Variants in MACROD2 observed in about 807,000 individuals in gnomAD.
The protein encoded by MACROD2 is ADP-ribose glycohydrolase MACROD2.
MACROD2 carries 36 observed loss-of-function variants against 70.4 expected under a neutral mutation model. The observed-to-expected ratio is 0.51, with a 90% confidence interval of 0.39 to 0.68. The LOEUF (loss-of-function observed/expected upper bound fraction) is 0.68, where lower values mean the gene tolerates loss of function less well. Ranked by LOEUF, MACROD2 falls within the 30% of genes least tolerant of loss-of-function variation. The pLI is 0.00. For missense variants in MACROD2, 496 were observed against 538.4 expected, an observed-to-expected ratio of 0.92 and a Z score of 0.78; for synonymous variants, 172 against 178.8, an observed-to-expected ratio of 0.96 and a Z score of 0.30.
chr20:14,968,515 T>C (rs970154053), intron 5 of MACROD2, among the ~76,000 whole-genome samples: 11 of 151,340 alleles, frequency 7.3e-5, no homozygotes, highest in African/African-American at 2.7e-4. Context: ...GCATCAGTTG[T>C]AAAAAAAAAG....
intron 6 of MACROD2, among the ~76,000 whole-genome samples, chr20:15,238,500 G>A (rs1363911853): frequency 6.6e-6 from 1 of 151,968 alleles, no homozygotes; most frequent in Non-Finnish European, 1.5e-5. Context: ...TTAGAGGTGA[G>A]CAATTTAAGC....
intron 5 of MACROD2, among the ~76,000 whole-genome samples, chr20:15,156,616 A>G (rs966601105): frequency 2.0e-5 from 3 of 152,224 alleles, no homozygotes; most frequent in Admixed American, 6.5e-5. Flanking sequence ...AGCTCATCCT[A>G]TACAGTATTT....
intron 8 of MACROD2, among the ~76,000 whole-genome samples, chr20:15,675,735 A>C (rs1317766077): frequency 1.3e-5 from 2 of 152,228 alleles, no homozygotes; most frequent in Non-Finnish European, 2.9e-5. Flanking sequence ...GTAGTAGATC[A>C]ATCAGCAGCA....
At chr20:15,681,584 G>T (rs988339103) in intron 8 of MACROD2, among the ~76,000 whole-genome samples, 2 of 152,158 alleles carry the variant, frequency 1.3e-5, no homozygotes, top group Admixed American at 6.6e-5. Flanking sequence ...GGGGCTTCAG[G>T]TGTATGAACC....
intron 5 of MACROD2, among the ~76,000 whole-genome samples, chr20:14,975,685 G>T (rs1165975443): frequency 6.6e-6 from 1 of 152,018 alleles, no homozygotes; most frequent in Non-Finnish European, 1.5e-5. Flanking sequence ...ACCTCTCTAG[G>T]AGGTTGTCAG....
chr20:14,274,262 C>G (rs1476248507), intron 3 of MACROD2, among the ~76,000 whole-genome samples: 1 of 152,176 alleles, frequency 6.6e-6, no homozygotes, highest in African/African-American at 2.4e-5. Context: ...TACTGGCACA[C>G]CGAATCCAGC....
chr20:14,528,219 C>T (rs980180416), intron 4 of MACROD2, among the ~76,000 whole-genome samples: 3 of 151,756 alleles, frequency 2.0e-5, no homozygotes, highest in South Asian at 2.1e-4. Context: ...AAGTGATTCT[C>T]CTGCCTCAGC....
At chr20:14,016,154 T>C (rs2052988220) in intron 2 of MACROD2, among the ~76,000 whole-genome samples, 1 of 152,210 alleles carries the variant, frequency 6.6e-6, no homozygotes, top group Admixed American at 6.5e-5. Context: ...TTATTTATTT[T>C]CTGTTTTGGT....
At chr20:15,123,646 C>T (rs1307320106) in intron 5 of MACROD2, among the ~76,000 whole-genome samples, 2 of 152,002 alleles carry the variant, frequency 1.3e-5, no homozygotes, top group African/African-American at 2.4e-5. Flanking sequence ...ATTGAAATCA[C>T]GTGTGTGGCT....
At chr20:14,468,811 CTA>C (rs2084491511) in intron 3 of MACROD2, among the ~76,000 whole-genome samples, 1 of 152,058 alleles carries the variant, frequency 6.6e-6, no homozygotes, top group African/African-American at 2.4e-5. Context: ...CGCCCAGCCT[CTA>C]TGTGTGTCAT....
At chr20:15,145,051 C>G (rs2076220626) in intron 5 of MACROD2, among the ~76,000 whole-genome samples, 1 of 152,112 alleles carries the variant, frequency 6.6e-6, no homozygotes, top group Non-Finnish European at 1.5e-5. Context: ...CAAACTCTAG[C>G]AATGAAAGTT....
At chr20:14,993,796 A>C (rs2074926488) in intron 5 of MACROD2, among the ~76,000 whole-genome samples, 1 of 152,230 alleles carries the variant, frequency 6.6e-6, no homozygotes, top group African/African-American at 2.4e-5. Context: ...TTAAAATCTG[A>C]AAGAGAAGTT....
chr20:14,994,307 C>T (rs1290107490), intron 5 of MACROD2, among the ~76,000 whole-genome samples: 1 of 151,924 alleles, frequency 6.6e-6, no homozygotes, highest in Non-Finnish European at 1.5e-5. Flanking sequence ...GGATGCCCAA[C>T]AGGAGCTGTG....
At chr20:14,989,378 T>C (rs1192546602) in intron 5 of MACROD2, among the ~76,000 whole-genome samples, 1 of 152,174 alleles carries the variant, frequency 6.6e-6, no homozygotes, top group Non-Finnish European at 1.5e-5. Context: ...TCCAGGCTCT[T>C]GACACCGTCC....
intron 8 of MACROD2, among the ~76,000 whole-genome samples, chr20:15,616,085 T>A (rs1377693130): frequency 1.3e-5 from 2 of 149,332 alleles, no homozygotes; most frequent in East Asian, 4.0e-4. Context: ...TCTCACTCCA[T>A]CAGTTCCCCA....
chr20:15,953,753 C>A (rs901346956), intron 12 of MACROD2, among the ~76,000 whole-genome samples: 22 of 152,146 alleles, frequency 1.4e-4, no homozygotes. Flanking sequence ...CTGTGTTTTA[C>A]AGCAGACTCA....
intron 3 of MACROD2, among the ~76,000 whole-genome samples, chr20:14,096,629 A>G (rs2054230663): frequency 6.6e-6 from 1 of 152,102 alleles, no homozygotes; most frequent in Admixed American, 6.5e-5. Flanking sequence ...CGGCCTCCAA[A>G]AAGGATTGCA....
intron 8 of MACROD2, among the ~76,000 whole-genome samples, chr20:15,603,524 A>G (rs961871952): frequency 2.0e-5 from 3 of 148,422 alleles, no homozygotes; most frequent in Non-Finnish European, 4.5e-5. Flanking sequence ...AAAAAAAAAG[A>G]TATAAGGGAA....
At chr20:15,841,633 C>T (rs768560931) in intron 8 of MACROD2, among the ~76,000 whole-genome samples, 2 of 152,012 alleles carry the variant, frequency 1.3e-5, no homozygotes, top group Non-Finnish European at 2.9e-5. Context: ...ATGAGAAATC[C>T]ACCCCCATGA....
Sources: gnomAD v4.1 joint callset for allele counts (sites outside exome capture counted in the v4.1 genomes callset) on GRCh38, gnomAD v4.1.1 for gene constraint, MANE v1.5 for transcripts, NCBI Gene and HGNC (gene_info 2026-07-23, HGNC 2026-07-21) for gene names.